The following EYS variants were observed in gnomAD, a reference collection of about 807,000 sequenced individuals.
EYS encodes the protein EGF-like photoreceptor maintenance factor.
EYS carries 250 observed loss-of-function variants against 282.1 expected under a neutral mutation model. That is an observed-to-expected ratio of 0.89 (90% confidence interval 0.80 to 0.98). EYS has a LOEUF of 0.98. Ranked by LOEUF, EYS falls within the 50% of genes least tolerant of loss-of-function variation. The pLI, the probability that EYS is intolerant of heterozygous loss-of-function variation, is 0.00. For synonymous variants in EYS, 1,355 were observed against 1,282.9 expected (o/e 1.06, Z -1.20); for missense variants, 4,016 against 3,709.0 (o/e 1.08, Z -2.15).
At chr6:65,180,503 C>T (rs1303806584) in intron 12 of EYS, among the ~76,000 whole-genome samples, 12 of 151,782 alleles carry the variant, frequency 7.9e-5, no homozygotes, top group Non-Finnish European at 1.2e-4. Flanking sequence ...TTACAAGGGA[C>T]GTGAAGGACC....
chr6:64,927,421 A>G (rs1034627047), intron 15 of EYS, among the ~76,000 whole-genome samples: 1 of 152,170 alleles, frequency 6.6e-6, no homozygotes, highest in African/African-American at 2.4e-5. Context: ...CTAGAAATAC[A>G]CTAATAAAAG....
At chr6:65,599,500 C>T (rs1035052581) in intron 2 of EYS, among the ~76,000 whole-genome samples, 4 of 152,168 alleles carry the variant, frequency 2.6e-5, no homozygotes, top group Non-Finnish European at 4.4e-5. Flanking sequence ...CTTGTAGATG[C>T]CCCTGGTCCT....
At chr6:64,503,982 T>C (rs1777132652) in intron 26 of EYS, among the ~76,000 whole-genome samples, 1 of 152,208 alleles carries the variant, frequency 6.6e-6, no homozygotes, top group Admixed American at 6.5e-5. Context: ...TTGCTTCACC[T>C]TCACCTTCCA....
At chr6:65,038,001 A>G (rs1772821680) in intron 13 of EYS, among the ~76,000 whole-genome samples, 2 of 151,668 alleles carry the variant, frequency 1.3e-5, no homozygotes, top group African/African-American at 4.8e-5. Flanking sequence ...TAGCTTCATT[A>G]ATTTCAACAA....
At chr6:64,843,485 G>A (rs1765627314) in intron 19 of EYS, among the ~76,000 whole-genome samples, 1 of 152,226 alleles carries the variant, frequency 6.6e-6, no homozygotes, top group African/African-American at 2.4e-5. Flanking sequence ...ACCTGGATGT[G>A]AGACATGGAG....
chr6:64,582,978 T>C (rs1260435904), intron 26 of EYS, among the ~76,000 whole-genome samples: 2 of 152,168 alleles, frequency 1.3e-5, no homozygotes, highest in African/African-American at 4.8e-5. Flanking sequence ...GCAGCATTCA[T>C]TGCTGGGTTA....
chr6:65,256,544 T>A (rs1353947596), intron 12 of EYS, among the ~76,000 whole-genome samples: 48 of 106,558 alleles, frequency 4.5e-4, no homozygotes, highest in African/African-American at 2.0e-3. Context: ...CTTGCGATAG[T>A]TTACTGAGAA....
At chr6:64,000,358 A>AT (rs1012504919) in intron 33 of EYS, among the ~76,000 whole-genome samples, 28 of 148,898 alleles carry the variant, frequency 1.9e-4, no homozygotes, top group African/African-American at 2.5e-4. Context: ...CGCCAGGCTA[A>AT]TTTTTTTTTG....
chr6:65,101,788 T>C (rs1046794948), intron 12 of EYS, among the ~76,000 whole-genome samples: 1 of 151,198 alleles, frequency 6.6e-6, no homozygotes, highest in Non-Finnish European at 1.5e-5. Context: ...TCCCTAGTTA[T>C]CCACTTGGCA....
chr6:64,343,258 T>A (rs1771210920), intron 29 of EYS, among the ~76,000 whole-genome samples: 2 of 151,950 alleles, frequency 1.3e-5, no homozygotes, highest in African/African-American at 2.4e-5. Flanking sequence ...TATACATTTT[T>A]TTTCAGCACC....
At chr6:65,592,932 A>C (rs185237994) in intron 2 of EYS, among the ~76,000 whole-genome samples, 12 of 152,108 alleles carry the variant, frequency 7.9e-5, no homozygotes, top group Admixed American at 7.9e-4. Flanking sequence ...ATAGCACAAC[A>C]TTATGGACAA....
chr6:63,979,262 T>C (rs1270677030), intron 35 of EYS, among the ~76,000 whole-genome samples: 1 of 151,892 alleles, frequency 6.6e-6, no homozygotes, highest in Non-Finnish European at 1.5e-5. Context: ...AATAGGAGAG[T>C]TAAGTTATTG....
At chr6:64,182,056 A>G (rs965116454) in intron 31 of EYS, among the ~76,000 whole-genome samples, 9 of 152,198 alleles carry the variant, frequency 5.9e-5, no homozygotes, top group African/African-American at 2.2e-4. Flanking sequence ...CATTTTCACT[A>G]ATACACTAAT....
chr6:63,954,392 C>T (rs147013611), intron 35 of EYS, among the ~76,000 whole-genome samples: 1 of 152,284 alleles, frequency 6.6e-6, no homozygotes, highest in Non-Finnish European at 1.5e-5. Context: ...CTCACTCTTG[C>T]AAAGGGACGA....
chr6:65,056,973 CT>C (rs1773435942), intron 13 of EYS, among the ~76,000 whole-genome samples: 1 of 151,510 alleles, frequency 6.6e-6, no homozygotes, highest in South Asian at 2.1e-4. Context: ...TATAAGATAC[CT>C]TTTTAAGGTA....
At chr6:65,419,991 T>C (rs1251478928) in intron 5 of EYS, among the ~76,000 whole-genome samples, 1 of 151,994 alleles carries the variant, frequency 6.6e-6, no homozygotes, top group Non-Finnish European at 1.5e-5. Context: ...TGCCAGAAAA[T>C]GCTAACAATC....
intron 36 of EYS, among the ~76,000 whole-genome samples, chr6:63,834,733 C>T (rs1447868652): frequency 6.6e-6 from 1 of 151,954 alleles, no homozygotes; most frequent in Non-Finnish European, 1.5e-5. Flanking sequence ...AATCATGCTG[C>T]TGTATAGACA....
intron 31 of EYS, among the ~76,000 whole-genome samples, chr6:64,140,852 T>G (rs966328465): frequency 1.3e-5 from 2 of 152,120 alleles, no homozygotes; most frequent in Non-Finnish European, 2.9e-5. Flanking sequence ...AAATACTCCT[T>G]CATGAAACCA....
chr6:63,939,916 T>A (rs1245759829), intron 35 of EYS, among the ~76,000 whole-genome samples: 1 of 152,222 alleles, frequency 6.6e-6, no homozygotes, highest in Non-Finnish European at 1.5e-5. Flanking sequence ...AAATTATAAC[T>A]GCATTAAATT....
Sources: allele counts gnomAD v4.1 joint callset (sites outside exome capture counted in the v4.1 genomes callset), GRCh38; gene constraint gnomAD v4.1.1; transcripts MANE v1.5; gene names NCBI Gene and HGNC (gene_info 2026-07-23, HGNC 2026-07-21).